The following PCDHA2 variants were observed in gnomAD, a reference collection of about 807,000 sequenced individuals.
PCDHA2 encodes protocadherin alpha-2.
In PCDHA2, 58 loss-of-function variants were observed where a neutral mutation model predicts 66.0. That is an observed-to-expected ratio of 0.88 (90% CI 0.71 to 1.09). PCDHA2 has a LOEUF of 1.09. Ranked by LOEUF, PCDHA2 falls within the 50% of genes least tolerant of loss-of-function variation. PCDHA2 has a pLI of 0.00. For missense variants in PCDHA2, 1,267 were observed against 1,242.3 expected, an observed-to-expected ratio of 1.02 and a Z score of -0.30; for synonymous variants, 634 against 554.0, an observed-to-expected ratio of 1.14 and a Z score of -2.03.
chr5:141,009,701 C>G lies in PCDHA2; in HGVS notation c.2611C>G (p.Pro871Ala). The G allele has an allele frequency of 6.2e-7, 1 of 1,614,036 alleles. No homozygotes were observed. Among genetic ancestry groups the G allele is most frequent in the South Asian group, 1.1e-5 (1 of 91,056 alleles). The change falls in exon 4 of 4, where the codon CCA (proline) becomes GCA (alanine). Residue 871 changes from proline to alanine, a missense_variant. Coordinates refer to ENST00000526136, the MANE Select transcript of PCDHA2 (RefSeq NM_018905.3). ...NSNSWTFKYG[P>A]GNPKQSGPGE... ...CAACAGCTGGACCTTTAAATACGGA[C>G]CAGGCAACCCCAAACAATCCGGTCC...
At chr5:141,004,188 TA>T (rs1391411358) in intron 3 of PCDHA2, among the ~76,000 whole-genome samples, 5 of 152,260 alleles carry the variant, frequency 3.3e-5, no homozygotes, top group African/African-American at 1.2e-4. Flanking sequence ...TGAGTGCTCT[TA>T]ACCAAAAGGA....
intron 1 of PCDHA2, among the ~76,000 whole-genome samples, chr5:140,908,509 A>G (rs1458307706): frequency 1.3e-5 from 2 of 152,116 alleles, no homozygotes; most frequent in Non-Finnish European, 2.9e-5. Flanking sequence ...TGACTTGATG[A>G]CCCATAGTCA....
intron 1 of PCDHA2, among the ~76,000 whole-genome samples, chr5:140,917,662 C>T (rs1554198266): frequency 6.6e-6 from 1 of 152,118 alleles, no homozygotes; most frequent in Admixed American, 6.6e-5. Flanking sequence ...AGTAGGAAGT[C>T]CTTTCTCCAT....
At position 140,795,007 on chromosome 5, in the gene PCDHA2, C is replaced by G; in HGVS notation, c.43C>G (p.Leu15Val). The G allele has an allele frequency of 1.9e-6, 3 of 1,613,790 alleles. No individual in the cohort carries two copies. Among genetic ancestry groups the G allele is most frequent in the Non-Finnish European group, 2.5e-6 (3 of 1,179,924 alleles). Residue 15 changes from leucine (L) to valine (V), a missense_variant, in exon 1 of 4, where the codon CTG becomes GTG. Coordinates refer to ENST00000526136, the MANE Select transcript of PCDHA2 (RefSeq NM_018905.3). ...AAGGGGCCGAGGGGCCTGGACACGG[C>G]TGCTCTCGCTTCTGCTCCTCGCAGC... ...IRRGRGAWTR[L>V]LSLLLLAAWE... is the part of the protein sequence containing the mutation.
At chr5:140,965,657 T>TA (rs2095920205) in intron 1 of PCDHA2, among the ~76,000 whole-genome samples, 2 of 152,196 alleles carry the variant, frequency 1.3e-5, no homozygotes, top group Non-Finnish European at 2.9e-5. Context: ...AGAAAATGTC[T>TA]TGGGTGATAA....
chr5:140,969,464 C>A, intron 1 of PCDHA2: 1 of 1,491,558 alleles, frequency 6.7e-7, no homozygotes. Flanking sequence ...ATATAGTATC[C>A]ACAATTTGAT....
chr5:140,850,472 G>A (rs2150485623), intron 1 of PCDHA2: 1 of 1,598,076 alleles, frequency 6.3e-7, no homozygotes, highest in South Asian at 1.1e-5. Context: ...AGCCAGCGCT[G>A]ACGGCCACGG....
intron 1 of PCDHA2, among the ~76,000 whole-genome samples, chr5:140,799,380 A>T (rs1762424365): frequency 6.6e-6 from 1 of 152,158 alleles, no homozygotes; most frequent in Non-Finnish European, 1.5e-5. Context: ...GAAGTCCATG[A>T]AGTTTAAAAA....
intron 1 of PCDHA2, among the ~76,000 whole-genome samples, chr5:140,978,500 G>T (rs1480843119): frequency 2.0e-5 from 3 of 152,228 alleles, no homozygotes; most frequent in Non-Finnish European, 2.9e-5. Context: ...GCAGCAGATT[G>T]CAGTCCTCTG....
intron 1 of PCDHA2, among the ~76,000 whole-genome samples, chr5:140,838,153 G>A (rs2150285429): frequency 3.7e-5 from 5 of 135,362 alleles, no homozygotes; most frequent in Admixed American, 1.5e-4. Flanking sequence ...TTACTCTGTC[G>A]CCCTCTCTGG....
In PCDHA2 at chr5:140,829,871, G is replaced by A. The variant is rs1770641625; in HGVS notation, c.2388+32519G>A. 6.2e-7 allele frequency: 1 copy of A among 1,613,844 alleles called. No homozygotes were observed. Among genetic ancestry groups the A allele is most frequent in the Non-Finnish European group, 8.5e-7 (1 of 1,179,892 alleles). ...GGGTGCAGGCCAAGTGGTGGCGAAG[G>A]TGCGCGCAGTTGACGCCGACTCAGG... On this transcript the variant is annotated intron_variant, in intron 1 of 3. Transcript: ENST00000526136.
chr5:140,918,929 A>G (rs2078930762), intron 1 of PCDHA2, among the ~76,000 whole-genome samples: 1 of 152,226 alleles, frequency 6.6e-6, no homozygotes, highest in Non-Finnish European at 1.5e-5. Context: ...AGCATATGGC[A>G]TTTTGTTATA....
chr5:140,820,798 G>A (rs1766832615), intron 1 of PCDHA2, among the ~76,000 whole-genome samples: 1 of 152,036 alleles, frequency 6.6e-6, no homozygotes, highest in Admixed American at 6.5e-5. Flanking sequence ...ACAAAGGTAT[G>A]TATTTTACAA....
In PCDHA2 at chr5:141,009,849, C is replaced by G; in HGVS notation, c.2759C>G (p.Thr920Ser). The change falls in exon 4 of 4, where the codon ACC (threonine) becomes AGC (serine). Residue 920 changes from threonine (T) to serine (S), a missense_variant. Physicochemically the swap from Thr to Ser is moderately conservative, Grantham distance 58. Coordinates refer to ENST00000526136, the MANE Select transcript of PCDHA2 (RefSeq NM_018905.3). ...ATAACCTTCGGCAAAAAGGAGGAGA[C>G]CAAGAAAAAGAAGAAAAAGAAGAAG... ...DFITFGKKEE[T>S]KKKKKKKKGN... 1 of 1,613,364 alleles carries G rather than the reference C, an allele frequency of 6.2e-7. No homozygotes were observed. The highest frequency in any genetic ancestry group is 8.5e-7 in the Non-Finnish European group (1 of 1,179,856).
chr5:140,903,290 G>A (rs1554190896), intron 1 of PCDHA2, among the ~76,000 whole-genome samples: 3 of 152,016 alleles, frequency 2.0e-5, no homozygotes, highest in African/African-American at 7.3e-5. Flanking sequence ...TTGTGCATTA[G>A]GAAATTTAGT....
At chr5:140,917,941 T>C (rs1415827294) in intron 1 of PCDHA2, among the ~76,000 whole-genome samples, 1 of 152,146 alleles carries the variant, frequency 6.6e-6, no homozygotes, top group Non-Finnish European at 1.5e-5. Flanking sequence ...ATAATATTGG[T>C]AGTTTGATAG....
chr5:140,828,605 C>A, intron 1 of PCDHA2: 1 of 1,614,210 alleles, frequency 6.2e-7, no homozygotes, highest in Admixed American at 1.7e-5. Context: ...AACCTATAAA[C>A]TCAGTTCTAG....
At chr5:141,008,784 A>G (rs541946217) in intron 3 of PCDHA2, among the ~76,000 whole-genome samples, 2 of 152,320 alleles carry the variant, frequency 1.3e-5, no homozygotes, top group East Asian at 3.9e-4. Flanking sequence ...ATTGGCTCCC[A>G]GTGTTTTATC....
intron 1 of PCDHA2, chr5:140,830,044 G>T: frequency 6.2e-7 from 1 of 1,613,812 alleles, no homozygotes; most frequent in Non-Finnish European, 8.5e-7. Context: ...TGGTGCTGGT[G>T]AAAGACCACG....
Sources: allele counts gnomAD v4.1 joint callset (sites outside exome capture counted in the v4.1 genomes callset), GRCh38; gene constraint gnomAD v4.1.1; transcripts MANE v1.5; gene names NCBI Gene and HGNC (gene_info 2026-07-23, HGNC 2026-07-21).